The following ENPEP variants were observed in gnomAD, a reference collection of about 807,000 sequenced individuals.
The protein encoded by ENPEP is AP-A.
A neutral mutation model predicts 114.5 loss-of-function variants in ENPEP; 103 were observed. That is an observed-to-expected ratio of 0.90 (90% confidence interval 0.77 to 1.06). The LOEUF (loss-of-function observed/expected upper bound fraction) is 1.06. ENPEP is among the 50% of genes least tolerant of loss of function. The pLI is 0.00. For synonymous variants in ENPEP, 420 were observed against 422.0 expected (o/e 1.00, Z 0.06); for missense variants, 1,196 against 1,161.3 (o/e 1.03, Z -0.43).
intron 3 of ENPEP, 111 bp downstream of exon 3, chr4:110,491,275 C>G: frequency 9.5e-7 from 1 of 1,055,460 alleles, no homozygotes; most frequent in Non-Finnish European, 1.3e-6. Context: ...CTGAAAAGCC[C>G]TTTAGTCCCC....
chr4:110,554,574 C>A (rs1727406426), intron 18 of ENPEP, among the ~76,000 whole-genome samples: 1 of 151,794 alleles, frequency 6.6e-6, no homozygotes, highest in Non-Finnish European at 1.5e-5. Flanking sequence ...CACATATGTG[C>A]ATTGTTCATC....
Position 110,519,970 on chromosome 4 carries a change from C to T in ENPEP, c.1510-38C>T, listed in dbSNP as rs112622359. ...CTTGTGAAAGTATGAGAAAAGCAAACATTGACTTCTAACATGCTGATTATT... is the reference window on the plus strand; with the variant it reads ...CTTGTGAAAGTATGAGAAAAGCAAATATTGACTTCTAACATGCTGATTATT... On this transcript the variant is annotated intron_variant, in intron 8 of 19. Coordinates refer to ENST00000265162, the MANE Select transcript of ENPEP (RefSeq NM_001977.4). The T allele has an allele frequency of 8.9e-6, 14 of 1,580,308 alleles. No homozygotes were observed. In the African/African-American group the frequency reaches 1.2e-4, roughly 14 times the overall value.
intron 7 of ENPEP, among the ~76,000 whole-genome samples, chr4:110,515,094 T>C (rs1301655334): frequency 6.6e-6 from 1 of 152,184 alleles, no homozygotes; most frequent in African/African-American, 2.4e-5. Context: ...TCTGCTGGTT[T>C]ATTTGGGGAA....
chr4:110,549,945 T>C, intron 17 of ENPEP, 59 bp downstream of exon 17: 1 of 1,422,530 alleles, frequency 7.0e-7, no homozygotes, highest in South Asian at 1.4e-5. Context: ...TGTGTCACAG[T>C]CTCTTTAAGA....
chr4:110,534,470 A>G (rs1162852272), intron 11 of ENPEP, among the ~76,000 whole-genome samples: 1 of 145,600 alleles, frequency 6.9e-6, no homozygotes, highest in Non-Finnish European at 1.5e-5. Flanking sequence ...AATCATTGTT[A>G]TTAAGCTTCA....
intron 11 of ENPEP, among the ~76,000 whole-genome samples, chr4:110,535,572 T>C (rs1726583613): frequency 6.6e-6 from 1 of 152,200 alleles, no homozygotes; most frequent in Non-Finnish European, 1.5e-5. Flanking sequence ...AAACCAAACA[T>C]ACAAGAGATT....
rs1210022223 is a variant in ENPEP at position 110,553,359 on chromosome 4, A to C, written c.2546A>C (p.Asp849Ala). Reference protein sequence around the residue: ...LKDTNLIKTQDVFTVIRYISY... With the variant: ...LKDTNLIKTQAVFTVIRYISY... The stretch of plus-strand genomic sequence containing the variant: ...GACACGAACCTTATTAAAACTCAGG[A>C]TGTGTTTACAGTCATTCGATATATC... The change falls in exon 18 of 20, where the codon GAT becomes GCT. Residue 849 changes from aspartate (D) to alanine (A), a missense_variant. Transcript: ENST00000265162. 1 of 1,607,686 alleles carries C rather than the reference A, an allele frequency of 6.2e-7. No individual in the cohort carries two copies. Among genetic ancestry groups the C allele is most frequent in the Non-Finnish European group, 8.5e-7 (1 of 1,175,936 alleles).
At chr4:110,541,849 G>A (rs1344392804) in intron 11 of ENPEP, among the ~76,000 whole-genome samples, 1 of 152,076 alleles carries the variant, frequency 6.6e-6, no homozygotes, top group Non-Finnish European at 1.5e-5. Context: ...GTAAACAAAA[G>A]AGTGTATGAT....
In ENPEP at chr4:110,539,428, C is replaced by A. The variant is rs1726768006; in HGVS notation, c.1808-3323C>A. On this transcript the variant is annotated intron_variant, in intron 11 of 19. Transcript: ENST00000265162. ...TTATGGATCATGTTAGCTTTAGTTT[C>A]AGAAATTAAAATTTTCTTCTATGAC... Among the ~76,000 whole-genome samples, 3 of 152,286 alleles carry A rather than the reference C, an allele frequency of 2.0e-5. No individual in the cohort carries two copies. In the South Asian group the frequency reaches 6.2e-4, roughly 32 times the overall value.
chr4:110,496,651 C>CT (rs1371475475), intron 3 of ENPEP, among the ~76,000 whole-genome samples: 2 of 151,920 alleles, frequency 1.3e-5, no homozygotes, highest in African/African-American at 4.8e-5. Context: ...CAGTTTTTTT[C>CT]TTTTTTATGA....
At chr4:110,547,360 C>T (rs1727105845) in intron 13 of ENPEP, among the ~76,000 whole-genome samples, 1 of 152,038 alleles carries the variant, frequency 6.6e-6, no homozygotes, top group Non-Finnish European at 1.5e-5. Flanking sequence ...TGCTGTTTGT[C>T]TATGGACTTA....
At chr4:110,524,851 T>C (rs1273935817) in intron 10 of ENPEP, among the ~76,000 whole-genome samples, 1 of 152,154 alleles carries the variant, frequency 6.6e-6, no homozygotes, top group East Asian at 1.9e-4. Flanking sequence ...CTCAATCTCC[T>C]GAGCTCAAGT....
chr4:110,556,750 C>A (rs936725600), intron 18 of ENPEP, among the ~76,000 whole-genome samples: 3 of 152,046 alleles, frequency 2.0e-5, no homozygotes, highest in Non-Finnish European at 2.9e-5. Context: ...TGTTCCCAAC[C>A]TTTTTCAATG....
At position 110,476,303 on chromosome 4, in the gene ENPEP, A is replaced by C. The variant is rs1453377708; in HGVS notation, c.-112A>C. Reference sequence around the variant, plus strand: ...AGAGAGAGGGGTGTGGGAAAAGCGAAAACAGGCTGCCAAATCAGGGGATTC... The same window carrying C: ...AGAGAGAGGGGTGTGGGAAAAGCGACAACAGGCTGCCAAATCAGGGGATTC... On this transcript the variant is annotated 5_prime_UTR_variant, in exon 1 of 20. Transcript: ENST00000265162. The C allele has an allele frequency of 7.1e-7, 1 of 1,401,686 alleles. No individual in the cohort carries two copies. Among genetic ancestry groups the C allele is most frequent in the African/African-American group, 1.4e-5 (1 of 69,566 alleles). 86.8% of individuals were successfully genotyped at this position (1,401,686 alleles called of 1,614,324 possible). A position where few individuals can be genotyped will look rare whatever the true frequency, so the allele number is the denominator to read the frequency against.
chr4:110,478,180 C>A (rs1434255782), intron 1 of ENPEP, among the ~76,000 whole-genome samples: 1 of 152,150 alleles, frequency 6.6e-6, no homozygotes, highest in African/African-American at 2.4e-5. Flanking sequence ...GGTCAAAATT[C>A]TTTCTATTGT....
intron 13 of ENPEP, among the ~76,000 whole-genome samples, chr4:110,543,273 A>G (rs1205486014): frequency 6.6e-6 from 1 of 152,124 alleles, no homozygotes; most frequent in African/African-American, 2.4e-5. Flanking sequence ...TTAGCCCTTA[A>G]GGTATACACA....
At chr4:110,548,694 A>G (rs751599032) in intron 14 of ENPEP, among the ~76,000 whole-genome samples, 16 of 152,040 alleles carry the variant, frequency 1.1e-4, no homozygotes, top group Non-Finnish European at 2.2e-4. Flanking sequence ...ATATAATATT[A>G]TATCTTCTTA....
chr4:110,490,174 A>T (rs998168648), intron 2 of ENPEP, among the ~76,000 whole-genome samples: 2 of 151,776 alleles, frequency 1.3e-5, no homozygotes, highest in African/African-American at 4.9e-5. Flanking sequence ...TCCAGATAGT[A>T]GTCCTGGAAG....
intron 6 of ENPEP, among the ~76,000 whole-genome samples, chr4:110,511,607 A>G (rs367546225): frequency 6.6e-6 from 1 of 152,228 alleles, no homozygotes; most frequent in East Asian, 1.9e-4. Context: ...GTTATAAGAA[A>G]TTATAACATT....
Sources: gnomAD v4.1 joint callset for allele counts (sites outside exome capture counted in the v4.1 genomes callset) on GRCh38, gnomAD v4.1.1 for gene constraint, MANE v1.5 for transcripts, NCBI Gene and HGNC (gene_info 2026-07-23, HGNC 2026-07-21) for gene names.